The following CDH20 variants were observed in gnomAD, a reference collection of about 807,000 sequenced individuals.
The protein encoded by CDH20 is cadherin 20.
CDH20 carries 29 observed loss-of-function variants against 74.2 expected under a neutral mutation model. The ratio of observed to expected loss-of-function variants is 0.39; its 90% CI spans 0.29 to 0.53. CDH20 has a LOEUF of 0.53. CDH20 is among the 20% of genes least tolerant of loss of function. The probability of loss-of-function intolerance (pLI) is 0.69; values close to 1 mark genes in which losing one functional copy is unlikely to be tolerated. For synonymous variants in CDH20, 469 were observed against 405.4 expected, an observed-to-expected ratio of 1.16 and a Z score of -1.88; for missense variants, 988 against 1,048.3, an observed-to-expected ratio of 0.94 and a Z score of 0.79.
chr18:61,429,880 A>T (rs1241661795), intron 1 of CDH20, among the ~76,000 whole-genome samples: 2 of 152,184 alleles, frequency 1.3e-5, no homozygotes, highest in African/African-American at 2.4e-5. Context: ...TCAACAAACT[A>T]TGTTCCTTTG....
intron 1 of CDH20, among the ~76,000 whole-genome samples, chr18:61,466,476 G>A (rs1462535631): frequency 1.3e-5 from 2 of 152,146 alleles, no homozygotes; most frequent in Non-Finnish European, 2.9e-5. Flanking sequence ...AGCTCATGAT[G>A]TCACCACCAT....
chr18:61,448,058 G>T (rs1909258911), intron 1 of CDH20, among the ~76,000 whole-genome samples: 3 of 152,168 alleles, frequency 2.0e-5, no homozygotes, highest in African/African-American at 7.2e-5. Context: ...ATGAACTTCA[G>T]TTTTCTCATC....
chr18:61,365,178 C>A (rs1447318421), intron 1 of CDH20, among the ~76,000 whole-genome samples: 1 of 152,312 alleles, frequency 6.6e-6, no homozygotes, highest in Non-Finnish European at 1.5e-5. Context: ...GTGATCAATA[C>A]CCTTCATAGA....
intron 3 of CDH20, 74 bp downstream of exon 3, chr18:61,499,554 GC>G: frequency 9.0e-7 from 1 of 1,111,270 alleles, no homozygotes. Context: ...ATATGCACAT[GC>G]ACACACACAT....
At chr18:61,342,502 C>G (rs766926771) in intron 1 of CDH20, among the ~76,000 whole-genome samples, 14 of 152,174 alleles carry the variant, frequency 9.2e-5, no homozygotes, top group Non-Finnish European at 1.6e-4. Context: ...GGTTTCTCAC[C>G]CTGGCTATCA....
intron 1 of CDH20, among the ~76,000 whole-genome samples, chr18:61,352,585 G>A: frequency 6.6e-6 from 1 of 152,000 alleles, no homozygotes; most frequent in Non-Finnish European, 1.5e-5. Context: ...AGTTCCTGAG[G>A]GCCTGCCATG....
chr18:61,394,735 C>A (rs1195448288), intron 1 of CDH20, among the ~76,000 whole-genome samples: 1 of 152,086 alleles, frequency 6.6e-6, no homozygotes, highest in Non-Finnish European at 1.5e-5. Context: ...GGTACAGCAA[C>A]GAACTCCTCA....
chr18:61,390,417 G>A (rs540003341), intron 1 of CDH20, among the ~76,000 whole-genome samples: 6 of 152,096 alleles, frequency 3.9e-5, no homozygotes, highest in South Asian at 4.1e-4. Flanking sequence ...TAAAGCAAAC[G>A]TAAAAATGTA....
At chr18:61,506,692 A>G (rs1457008497) in intron 5 of CDH20, among the ~76,000 whole-genome samples, 1 of 152,082 alleles carries the variant, frequency 6.6e-6, no homozygotes, top group Non-Finnish European at 1.5e-5. Flanking sequence ...GAGATGTCCA[A>G]CTCTGAGCTT....
chr18:61,508,420 G>A (rs1911656950), intron 6 of CDH20, among the ~76,000 whole-genome samples: 1 of 152,048 alleles, frequency 6.6e-6, no homozygotes, highest in South Asian at 2.1e-4. Context: ...TATGGGAGGG[G>A]GAGCCAGGAA....
At chr18:61,455,435 G>A (rs1212287439) in intron 1 of CDH20, among the ~76,000 whole-genome samples, 1 of 152,192 alleles carries the variant, frequency 6.6e-6, no homozygotes, top group African/African-American at 2.4e-5. Context: ...TTGGAAAAGA[G>A]GGCAGCTCTT....
At chr18:61,487,859 A>G (rs896345855) in intron 1 of CDH20, among the ~76,000 whole-genome samples, 3 of 152,174 alleles carry the variant, frequency 2.0e-5, no homozygotes, top group Admixed American at 2.0e-4. Flanking sequence ...TATAAAAAAC[A>G]CTACTTACAA....
chr18:61,511,909 A>C (rs1341246322), intron 6 of CDH20, among the ~76,000 whole-genome samples: 1 of 152,240 alleles, frequency 6.6e-6, no homozygotes, highest in Non-Finnish European at 1.5e-5. Context: ...GAAAAAGGTC[A>C]ATAAGTTGGG....
intron 11 of CDH20, among the ~76,000 whole-genome samples, chr18:61,550,742 C>A (rs1913405363): frequency 6.6e-6 from 1 of 152,196 alleles, no homozygotes; most frequent in Admixed American, 6.5e-5. Context: ...CACTGCCTTT[C>A]TCCTAAATGC....
intron 1 of CDH20, among the ~76,000 whole-genome samples, chr18:61,465,139 C>T (rs1909918256): frequency 6.6e-6 from 1 of 152,150 alleles, no homozygotes; most frequent in South Asian, 2.1e-4. Context: ...AACCAGTTGG[C>T]CTGGCTGCCC....
chr18:61,484,949 G>A (rs909108646), intron 1 of CDH20, among the ~76,000 whole-genome samples: 1 of 152,124 alleles, frequency 6.6e-6, no homozygotes, highest in South Asian at 2.1e-4. Flanking sequence ...GGGAAGGAGA[G>A]GGAAAATAAG....
In CDH20 at chr18:61,500,457, A is replaced by G. The variant is rs200877732; in HGVS notation, c.616A>G (p.Ser206Gly). 9.0e-5 allele frequency: 145 copies of G among 1,612,864 alleles called. 1 individual carries two copies. In the East Asian group the frequency reaches 3.2e-3, roughly 35 times the overall value. The change falls in exon 4 of 12, where the codon AGC becomes GGC. Residue 206 changes from serine (S) to glycine (G), a missense_variant. Transcript: ENST00000262717. ...CGGCAACAGTGCCAGGGTGGTGTAC[A>G]GCATTCTTCAGGGCCAGCCATATTT... ...TYGNSARVVY[S>G]ILQGQPYFSV...
chr18:61,361,969 T>C (rs1262088862), intron 1 of CDH20, among the ~76,000 whole-genome samples: 2 of 152,170 alleles, frequency 1.3e-5, no homozygotes, highest in African/African-American at 2.4e-5. Context: ...ATTCTCTTGG[T>C]CTTATAGCAG....
chr18:61,523,056 G>A (rs1211096488), intron 6 of CDH20, among the ~76,000 whole-genome samples: 6 of 152,116 alleles, frequency 3.9e-5, no homozygotes, highest in Admixed American at 6.6e-5. Context: ...AGCCAAAATT[G>A]ACAAATGGGA....
Sources: gnomAD v4.1 joint callset for allele counts (sites outside exome capture counted in the v4.1 genomes callset) on GRCh38, gnomAD v4.1.1 for gene constraint, MANE v1.5 for transcripts, NCBI Gene and HGNC (gene_info 2026-07-23, HGNC 2026-07-21) for gene names.